RAPGEF2: variants seen among roughly 807,000 people sequenced by gnomAD.
The protein encoded by RAPGEF2 is PDZ domain containing guanine nucleotide exchange factor (GEF) 1.
A neutral mutation model predicts 186.7 loss-of-function variants in RAPGEF2; 54 were observed. The observed-to-expected ratio is 0.29, with a 90% CI of 0.23 to 0.36. The LOEUF (loss-of-function observed/expected upper bound fraction) is 0.36, where lower values mean the gene tolerates loss of function less well. RAPGEF2 is among the 10% of genes least tolerant of loss of function. The pLI is 1.00. For synonymous variants in RAPGEF2, 712 were observed against 705.9 expected (o/e 1.01, Z -0.14); for missense variants, 1,532 against 2,045.0 (o/e 0.75, Z 4.84).
intron 17 of RAPGEF2, among the ~76,000 whole-genome samples, chr4:159,333,466 T>C (rs778326850): frequency 7.9e-5 from 12 of 152,186 alleles, no homozygotes; most frequent in Non-Finnish European, 1.6e-4. Flanking sequence ...TTCCCCTCTC[T>C]CTTCTATTTT....
chr4:159,255,409 C>T (rs1561156882), intron 7 of RAPGEF2, among the ~76,000 whole-genome samples: 1 of 150,760 alleles, frequency 6.6e-6, no homozygotes, highest in South Asian at 2.1e-4. Flanking sequence ...TTTTCTGTCT[C>T]CTTGTTCTTA....
chr4:159,131,519 A>ATTTTTTT (rs35670450), intron 1 of RAPGEF2, among the ~76,000 whole-genome samples: 46 of 37,118 alleles, frequency 1.2e-3, no homozygotes, highest in East Asian at 2.8e-3. Flanking sequence ...ATTAATTGCT[A>ATTTTTTT]TTTTTTTTTT....
chr4:159,169,053 C>A (rs1043734474), intron 1 of RAPGEF2, among the ~76,000 whole-genome samples: 1 of 152,126 alleles, frequency 6.6e-6, no homozygotes, highest in Non-Finnish European at 1.5e-5. Context: ...GTATATTGTA[C>A]CAACCTTTGT....
At chr4:159,255,795 G>C (rs1291713482) in intron 7 of RAPGEF2, among the ~76,000 whole-genome samples, 1 of 151,982 alleles carries the variant, frequency 6.6e-6, no homozygotes, top group Non-Finnish European at 1.5e-5. Context: ...TTAATATCTT[G>C]TTAATTTTGT....
intron 1 of RAPGEF2, among the ~76,000 whole-genome samples, chr4:159,185,455 A>G (rs965570575): frequency 2.0e-5 from 3 of 152,232 alleles, no homozygotes; most frequent in Non-Finnish European, 4.4e-5. Flanking sequence ...GAAATGTAGT[A>G]TATATCTACA....
chr4:159,120,638 A>G (rs1204133533), intron 1 of RAPGEF2, among the ~76,000 whole-genome samples: 2 of 152,204 alleles, frequency 1.3e-5, no homozygotes, highest in African/African-American at 4.8e-5. Context: ...TAGAAATTTT[A>G]CTGATAAGAG....
intron 1 of RAPGEF2, among the ~76,000 whole-genome samples, chr4:159,104,514 G>GAGAGGGAGAGAC (rs1737594962): frequency 1.5e-5 from 2 of 130,858 alleles, no homozygotes; most frequent in Admixed American, 1.5e-4. Flanking sequence ...GAGAGAGAGA[G>GAGAGGGAGAGAC]AGAGAGAGAG....
intron 7 of RAPGEF2, among the ~76,000 whole-genome samples, chr4:159,259,114 A>G (rs1441518845): frequency 6.6e-6 from 1 of 152,228 alleles, no homozygotes; most frequent in Non-Finnish European, 1.5e-5. Flanking sequence ...CATGTTCAAT[A>G]TTCATGGTCA....
chr4:159,345,907 T>C (rs1730240366), intron 24 of RAPGEF2, among the ~76,000 whole-genome samples: 3 of 152,154 alleles, frequency 2.0e-5, no homozygotes, highest in Non-Finnish European at 1.5e-5. Context: ...CATTTTCCAT[T>C]CAGTACACAC....
At chr4:159,243,678 C>A (rs1754277167) in intron 6 of RAPGEF2, 96 bp from the exon 7 acceptor site, 1 of 797,416 alleles carries the variant, frequency 1.3e-6, no homozygotes, top group Non-Finnish European at 1.8e-6. Flanking sequence ...TTAATTTTAA[C>A]ATTATCTTCA....
intron 1 of RAPGEF2, among the ~76,000 whole-genome samples, chr4:159,111,245 T>C (rs1306884251): frequency 2.0e-5 from 3 of 152,302 alleles, no homozygotes; most frequent in African/African-American, 7.2e-5. Context: ...TGCTTTCATA[T>C]CCATTATGTA....
chr4:159,251,649 T>A (rs919442559), intron 7 of RAPGEF2, among the ~76,000 whole-genome samples: 1 of 152,084 alleles, frequency 6.6e-6, no homozygotes, highest in African/African-American at 2.4e-5. Flanking sequence ...CTTTGAGAAC[T>A]TTTATGTCTA....
intron 25 of RAPGEF2, among the ~76,000 whole-genome samples, chr4:159,348,246 G>GATAGATAGATAGATA (rs1561329991): frequency 6.0e-3 from 182 of 30,462 alleles, no homozygotes; most frequent in African/African-American, 9.8e-3. Flanking sequence ...ATAGATAGAT[G>GATAGATAGATAGATA]GATGGATGGA....
chr4:159,111,387 G>T (rs868560583), intron 1 of RAPGEF2, among the ~76,000 whole-genome samples: 1 of 152,202 alleles, frequency 6.6e-6, no homozygotes, highest in Admixed American at 6.5e-5. Flanking sequence ...ATAATGGACT[G>T]TGGAGCTTTA....
At chr4:159,195,203 C>G (rs1561070318) in intron 3 of RAPGEF2, among the ~76,000 whole-genome samples, 1 of 152,242 alleles carries the variant, frequency 6.6e-6, no homozygotes, top group South Asian at 2.1e-4. Context: ...GGCAAGTGCT[C>G]TTAACATACT....
chr4:159,182,967 T>G (rs1747176273), intron 1 of RAPGEF2, among the ~76,000 whole-genome samples: 1 of 152,192 alleles, frequency 6.6e-6, no homozygotes, highest in Non-Finnish European at 1.5e-5. Flanking sequence ...ATCAGGAGAC[T>G]TAATATTTTT....
chr4:159,240,902 A>G (rs1412871821), intron 5 of RAPGEF2: 2 of 297,894 alleles, frequency 6.7e-6, no homozygotes, highest in Admixed American at 5.2e-5. Flanking sequence ...GAGATCTTTC[A>G]CTAATAAATC....
At chr4:159,238,786 A>ATT (rs527330122) in intron 4 of RAPGEF2, 23 bp from the exon 5 acceptor site, 11 of 1,408,950 alleles carry the variant, frequency 7.8e-6, no homozygotes, top group African/African-American at 5.8e-5. Flanking sequence ...CTCCTCATTG[A>ATT]TTTTTTTTTT....
chr4:159,352,024 A>AAT, intron 26 of RAPGEF2, among the ~76,000 whole-genome samples: 1 of 152,342 alleles, frequency 6.6e-6, no homozygotes, highest in Admixed American at 6.5e-5. Flanking sequence ...AAGAGAGTTA[A>AAT]GGGTCCTTTC....
Sources: allele counts gnomAD v4.1 joint callset (sites outside exome capture counted in the v4.1 genomes callset), GRCh38; gene constraint gnomAD v4.1.1; transcripts MANE v1.5; gene names NCBI Gene and HGNC (gene_info 2026-07-23, HGNC 2026-07-21).